The following RUNX1 variants were observed in gnomAD, a reference collection of about 807,000 sequenced individuals.
The protein encoded by RUNX1 is runt-related transcription factor 1.
RUNX1 carries 19 observed loss-of-function variants against 42.8 expected under a neutral mutation model. The observed-to-expected ratio is 0.44, with a 90% CI of 0.31 to 0.65. RUNX1 has a LOEUF of 0.65. Among genes scored for constraint, RUNX1 ranks in the 30% least tolerant of loss-of-function variants. RUNX1 has a pLI of 0.07. For missense variants in RUNX1, 528 were observed against 672.0 expected (o/e 0.79, Z 2.37); for synonymous variants, 271 against 289.4 (o/e 0.94, Z 0.64).
intron 2 of RUNX1, among the ~76,000 whole-genome samples, chr21:34,956,658 T>C (rs1207999708): frequency 2.0e-5 from 3 of 152,186 alleles, no homozygotes; most frequent in African/African-American, 4.8e-5. Context: ...CTCTTGGGCA[T>C]GAATGGGTGA....
At chr21:34,796,707 A>T (rs758147125) in intron 8 of RUNX1, among the ~76,000 whole-genome samples, 15 of 152,332 alleles carry the variant, frequency 9.8e-5, no homozygotes, top group Middle Eastern at 3.4e-3. Flanking sequence ...AAACAACCTG[A>T]GCAGGTAATG....
chr21:34,838,176 G>A (rs886244234), intron 6 of RUNX1, among the ~76,000 whole-genome samples: 3 of 152,088 alleles, frequency 2.0e-5, no homozygotes, highest in African/African-American at 7.2e-5. Context: ...TGCATATCTC[G>A]TTGATAACCG....
At chr21:34,845,467 T>C (rs879692886) in intron 6 of RUNX1, among the ~76,000 whole-genome samples, 6 of 152,354 alleles carry the variant, frequency 3.9e-5, no homozygotes, top group African/African-American at 9.6e-5. Context: ...TATGGCTGCC[T>C]GGCCTGGTGA....
chr21:35,022,887 C>A (rs1569154743), intron 2 of RUNX1, among the ~76,000 whole-genome samples: 1 of 62,216 alleles, frequency 1.6e-5, no homozygotes, highest in African/African-American at 5.2e-5. Context: ...ATGAATGATA[C>A]TCTGTTTGAA....
chr21:35,011,073 C>T (rs750768429), intron 2 of RUNX1, among the ~76,000 whole-genome samples: 5 of 152,080 alleles, frequency 3.3e-5, no homozygotes, highest in East Asian at 1.9e-4. Flanking sequence ...TTTCCAGAGT[C>T]GATTTGCTAG....
chr21:34,982,633 G>A (rs182628886), intron 2 of RUNX1, among the ~76,000 whole-genome samples: 7 of 152,158 alleles, frequency 4.6e-5, no homozygotes, highest in South Asian at 4.2e-4. Context: ...GTAGTGGCGC[G>A]ATCTTGGCTT....
intron 2 of RUNX1, among the ~76,000 whole-genome samples, chr21:34,993,234 G>A (rs139298800): frequency 3.3e-5 from 5 of 152,282 alleles, no homozygotes; most frequent in East Asian, 1.9e-4. Flanking sequence ...ATGCCTTAGC[G>A]ATGTCACTCC....
In RUNX1 at chr21:34,791,560, T is replaced by A. The variant is rs1158224734; in HGVS notation, c.*575A>T. ...AAAGCAAGAAAGAAGCAAGCTCAAT[T>A]TATATATATTTATATAAACGTATAT... On this transcript the variant is annotated 3_prime_UTR_variant, in exon 9 of 9. Transcript: ENST00000675419. The A allele has an allele frequency of 8.7e-6, 2 of 229,548 alleles. No individual in the cohort carries two copies. Among genetic ancestry groups the A allele is most frequent in the Non-Finnish European group, 1.7e-5 (2 of 115,858 alleles). 14.2% of individuals were successfully genotyped at this position (229,548 alleles called of 1,614,324 possible).
At chr21:34,977,961 G>A (rs2058815666) in intron 2 of RUNX1, among the ~76,000 whole-genome samples, 1 of 149,590 alleles carries the variant, frequency 6.7e-6, no homozygotes, top group South Asian at 2.1e-4. Flanking sequence ...TCTCTCTGTC[G>A]CCCAGGCTGG....
chr21:34,996,464 G>A (rs556656378), intron 2 of RUNX1, among the ~76,000 whole-genome samples: 17 of 152,084 alleles, frequency 1.1e-4, no homozygotes, highest in South Asian at 2.1e-4. Context: ...TGTGTCATGC[G>A]TCTGACCTTT....
In RUNX1 at chr21:34,789,266, C is replaced by T. The variant is rs2145860550; in HGVS notation, c.*2869G>A. 1 of 229,444 alleles carries T rather than the reference C, an allele frequency of 4.4e-6. No individual in the cohort carries two copies. Among genetic ancestry groups the T allele is most frequent in the Non-Finnish European group, 8.5e-6 (1 of 117,538 alleles). 14.2% of individuals were successfully genotyped at this position (229,444 alleles called of 1,614,324 possible). ...TATGTGCTATCTGCTTAAGAGAACA[C>T]AGGAAAAGGAGGAGGGAGAAAGTGG... is the stretch of plus-strand genomic sequence containing the variant. On this transcript the variant is annotated 3_prime_UTR_variant, in exon 9 of 9. Transcript: ENST00000675419.
chr21:34,972,739 G>T (rs899335666), intron 2 of RUNX1, among the ~76,000 whole-genome samples: 2 of 152,132 alleles, frequency 1.3e-5, no homozygotes, highest in Admixed American at 6.5e-5. Flanking sequence ...ACTCTACAAA[G>T]AATGAGATTG....
At chr21:35,010,168 C>T (rs2059115036) in intron 2 of RUNX1, among the ~76,000 whole-genome samples, 1 of 151,830 alleles carries the variant, frequency 6.6e-6, no homozygotes, top group Non-Finnish European at 1.5e-5. Context: ...GCATACAAAA[C>T]CATATTGCAT....
At chr21:34,925,763 A>G (rs968011906) in intron 2 of RUNX1, among the ~76,000 whole-genome samples, 1 of 152,218 alleles carries the variant, frequency 6.6e-6, no homozygotes, top group Non-Finnish European at 1.5e-5. Context: ...TTAGAGGTAG[A>G]AAAATGATGA....
At chr21:35,006,929 C>T (rs541576864) in intron 2 of RUNX1, among the ~76,000 whole-genome samples, 1 of 152,092 alleles carries the variant, frequency 6.6e-6, no homozygotes, top group Admixed American at 6.5e-5. Flanking sequence ...CTGGGAAGTA[C>T]CCAGTTAAGG....
At chr21:34,920,911 T>C (rs1254199185) in intron 2 of RUNX1, among the ~76,000 whole-genome samples, 1 of 152,196 alleles carries the variant, frequency 6.6e-6, no homozygotes, top group Admixed American at 6.5e-5. Context: ...CAGGCTAGAG[T>C]GCAGTGGCGT....
chr21:34,930,270 G>GTGTATATATATATATA (rs372412304), intron 2 of RUNX1, among the ~76,000 whole-genome samples: 20 of 122,926 alleles, frequency 1.6e-4, no homozygotes, highest in African/African-American at 3.4e-4. Context: ...GTGTGTGTAT[G>GTGTATATATATATATA]TATATATATA....
chr21:34,914,633 C>T (rs987830795), intron 2 of RUNX1, among the ~76,000 whole-genome samples: 1 of 152,152 alleles, frequency 6.6e-6, no homozygotes, highest in Non-Finnish European at 1.5e-5. Flanking sequence ...TCCCTCCTCC[C>T]TCCCTCCACT....
In RUNX1 at chr21:34,857,188, T is replaced by C. The variant is rs184809725; in HGVS notation, c.613+2286A>G. Among the ~76,000 whole-genome samples, 20 of 152,318 alleles carry C rather than the reference T, an allele frequency of 1.3e-4. No individual in the cohort carries two copies. In the East Asian group the frequency reaches 3.9e-3, roughly 29 times the overall value. ...TTTTTCCCCAGGCCCCAAATTCCAT[T>C]TGGCAGGGAAGACTGTGTAAAAATG... On this transcript the variant is annotated intron_variant, in intron 6 of 8. Transcript: ENST00000675419.
Sources: allele counts gnomAD v4.1 joint callset (sites outside exome capture counted in the v4.1 genomes callset), GRCh38; gene constraint gnomAD v4.1.1; transcripts MANE v1.5; gene names NCBI Gene and HGNC (gene_info 2026-07-23, HGNC 2026-07-21).